Variants in PHC1 observed in about 807,000 individuals in gnomAD.
The protein encoded by PHC1 is polyhomeotic-like protein 1.
PHC1 carries 12 observed loss-of-function variants against 104.3 expected under a neutral mutation model. The ratio of observed to expected loss-of-function variants is 0.12; its 90% confidence interval spans 0.07 to 0.19. The LOEUF (loss-of-function observed/expected upper bound fraction) is 0.19. Ranked by LOEUF, PHC1 falls within the 10% of genes least tolerant of loss-of-function variation. The pLI is 1.00. For missense variants in PHC1, 671 were observed against 1,200.0 expected (o/e 0.56, Z 6.51); for synonymous variants, 302 against 455.8 (o/e 0.66, Z 4.30).
At chr12:8,915,652 A>T (rs757474351) in intron 1 of PHC1, 1 of 151,032 alleles carries the variant, frequency 6.6e-6, no homozygotes, top group African/African-American at 2.4e-5. Context: ...TAATTTGGAA[A>T]ATTTTGATAC....
rs1159390604 is a variant in PHC1, at chr12:8,919,840, C to T, written c.199C>T (p.Leu67=). ...MLQQQLSNAQ[L]HSLAAVQQAT... The stretch of plus-strand genomic sequence containing the variant: ...CCAGCAGCAGCTCAGTAATGCCCAG[C>T]TGCATAGCCTGGCTGCCGTCCAGCA... The change falls in exon 3 of 15, where the codon CTG becomes TTG. Residue 67 remains leucine (L), a synonymous_variant. Transcript: ENST00000544916. The surrounding 1 kb of genome is among the most constrained non-coding windows in gnomAD (Gnocchi z 4.9). The T allele has an allele frequency of 9.3e-6, 15 of 1,604,758 alleles. No homozygotes were observed. Among genetic ancestry groups the T allele is most frequent in the Non-Finnish European group, 1.3e-5 (15 of 1,175,078 alleles).
intron 7 of PHC1, among the ~76,000 whole-genome samples, chr12:8,931,426 T>C (rs929896976): frequency 6.6e-6 from 1 of 151,476 alleles, no homozygotes; most frequent in African/African-American, 2.4e-5. Context: ...AGAGGCGGGG[T>C]GCGGTGGCTC....
At chr12:8,923,883 A>T (rs1945440260) in intron 6 of PHC1, among the ~76,000 whole-genome samples, 1 of 152,066 alleles carries the variant, frequency 6.6e-6, no homozygotes, top group African/African-American at 2.4e-5. Flanking sequence ...AAAAATAACA[A>T]TACAAGAACA....
At chr12:8,939,251 C>T in intron 14 of PHC1, 54 bp from the exon 15 acceptor site, 2 of 1,603,978 alleles carry the variant, frequency 1.2e-6, no homozygotes, top group Non-Finnish European at 1.7e-6. Flanking sequence ...TTTCATTTAG[C>T]TTCCCTTCTC....
At chr12:8,931,961 T>A (rs997251369) in intron 7 of PHC1, among the ~76,000 whole-genome samples, 2 of 152,224 alleles carry the variant, frequency 1.3e-5, no homozygotes, top group African/African-American at 2.4e-5. Flanking sequence ...AGTTTGTCAC[T>A]CCCAGTTTAC....
chr12:8,927,866 TTTCTTTC>T (rs1399566362), intron 6 of PHC1, among the ~76,000 whole-genome samples: 6 of 87,052 alleles, frequency 6.9e-5, no homozygotes, highest in African/African-American at 3.5e-4. Flanking sequence ...TCTTTCTTTC[TTTCTTTC>T]TTTCTTTCTT....
In PHC1 at chr12:8,919,759, C is replaced by T. The variant is rs1565512139; in HGVS notation, c.118C>T (p.Leu40=). 6.2e-7 allele frequency: 1 copy of T among 1,612,098 alleles called. No homozygotes were observed. The highest frequency in any genetic ancestry group is 1.3e-5 in the African/African-American group (1 of 75,004). The change falls in exon 3 of 15, where the codon CTG becomes TTG. Residue 40 remains leucine (L), a synonymous_variant. Transcript: ENST00000544916. The surrounding 1 kb of genome is among the most constrained non-coding windows in gnomAD (Gnocchi z 4.9). ...SLYERQAVQA[L]QALQRQPNAA... ...GTTTTATCCTCTCTTTTCCTAGGCT[C>T]TGCAAGCACTGCAGCGGCAGCCCAA...
At chr12:8,918,311 A>G (rs1193551698) in intron 2 of PHC1, among the ~76,000 whole-genome samples, 2 of 152,244 alleles carry the variant, frequency 1.3e-5, no homozygotes, top group African/African-American at 4.8e-5. Flanking sequence ...TACTATTTTC[A>G]TTTCATAAAT....
intron 6 of PHC1, among the ~76,000 whole-genome samples, chr12:8,925,551 A>G (rs1477701531): frequency 6.6e-6 from 1 of 152,210 alleles, no homozygotes; most frequent in Non-Finnish European, 1.5e-5. Flanking sequence ...AGTTAGCCAG[A>G]TAAGAATGTG....
chr12:8,936,011 G>T (rs1040727932), intron 11 of PHC1, among the ~76,000 whole-genome samples: 1 of 152,146 alleles, frequency 6.6e-6, no homozygotes, highest in African/African-American at 2.4e-5. Flanking sequence ...TGATCCGCCC[G>T]CCTTGGCCTC....
At chr12:8,926,259 G>C (rs1187062436) in intron 6 of PHC1, among the ~76,000 whole-genome samples, 2 of 149,026 alleles carry the variant, frequency 1.3e-5, no homozygotes, top group African/African-American at 4.9e-5. Flanking sequence ...GAGAGTAGTA[G>C]GCATATAGAT....
intron 6 of PHC1, among the ~76,000 whole-genome samples, chr12:8,923,123 A>G (rs1323270123): frequency 2.6e-5 from 4 of 152,108 alleles, no homozygotes; most frequent in Non-Finnish European, 5.9e-5. Context: ...GTCAGAAGAG[A>G]AGAGATTGTT....
chr12:8,915,010 A>G (rs1267314495), intron 1 of PHC1, 183 bp downstream of exon 1: 6 of 152,928 alleles, frequency 3.9e-5, no homozygotes, highest in East Asian at 1.9e-4. Context: ...TCTTCTGGCT[A>G]TTCATTCTGC....
chr12:8,934,477 C>G lies in PHC1; in HGVS notation c.2252C>G (p.Pro751Arg). 6.2e-7 allele frequency: 1 copy of G among 1,611,890 alleles called. No homozygotes were observed. The highest frequency in any genetic ancestry group is 2.2e-5 in the East Asian group (1 of 44,868). Residue 751 changes from proline to arginine, a missense_variant and splice_region_variant, in exon 10 of 15, where the codon CCG becomes CGG. Transcript: ENST00000544916. Reference protein sequence around the residue: ...FVIQEGAEPFPVGCSQLLKES... With the variant: ...FVIQEGAEPFRVGCSQLLKES... ...ATCCAGGAAGGAGCAGAACCTTTCCCGGTGAGGGCAGGGCCATAAGGTGGG... is the reference window on the plus strand; with the variant it reads ...ATCCAGGAAGGAGCAGAACCTTTCCGGGTGAGGGCAGGGCCATAAGGTGGG...
At chr12:8,939,132 T>A (rs1343644720) in intron 14 of PHC1, among the ~76,000 whole-genome samples, 173 bp from the exon 15 acceptor site, 1 of 152,254 alleles carries the variant, frequency 6.6e-6, no homozygotes, top group Non-Finnish European at 1.5e-5. Flanking sequence ...GGCCATTTTT[T>A]AAATACCAGT....
At chr12:8,934,643 AC>A (rs1426314172) in intron 10 of PHC1, among the ~76,000 whole-genome samples, 165 bp downstream of exon 10, 1 of 152,142 alleles carries the variant, frequency 6.6e-6, no homozygotes, top group Non-Finnish European at 1.5e-5. Flanking sequence ...GAGTGTGTGG[AC>A]CATAAAATGA....
rs1945777008 is a variant in PHC1, at chr12:8,934,406, C to T, written c.2181C>T (p.Ala727=). 6.2e-7 allele frequency: 1 copy of T among 1,613,508 alleles called. No homozygotes were observed. Among genetic ancestry groups the T allele is most frequent in the South Asian group, 1.1e-5 (1 of 91,060 alleles). ...TGGGTGACTCAAAACCCCCACAGGC[C>T]ATCGTGAAGCCCCAGATTCTCACCC... ...RQMGDSKPPQ[A]IVKPQILTHI... Residue 727 remains alanine (A), a synonymous_variant, in exon 10 of 15, where the codon GCC becomes GCT. Coordinates refer to ENST00000544916, the MANE Select transcript of PHC1 (RefSeq NM_004426.3).
At position 8,919,892 on chromosome 12, in the gene PHC1, C is replaced by G. The variant is rs369374803; in HGVS notation, c.225+26C>G. The G allele has an allele frequency of 6.9e-6, 11 of 1,586,052 alleles. No individual in the cohort carries two copies. Among genetic ancestry groups the G allele is most frequent in the Non-Finnish European group, 9.4e-6 (11 of 1,164,078 alleles). On this transcript the variant is annotated intron_variant, in intron 3 of 14. Transcript: ENST00000544916. This position sits in a 1 kb window ranked among gnomAD's most constrained non-coding sequence, Gnocchi z 4.9. ...GTGAGAGGTCAGCAGCCAGCTGGCCCGAGAGGGAGGGGACAGGCACTACAG... is the reference window on the plus strand; with the variant it reads ...GTGAGAGGTCAGCAGCCAGCTGGCCGGAGAGGGAGGGGACAGGCACTACAG...
At chr12:8,938,221 C>T (rs2137140080) in intron 14 of PHC1, among the ~76,000 whole-genome samples, 161 bp downstream of exon 14, 1 of 152,268 alleles carries the variant, frequency 6.6e-6, no homozygotes, top group Middle Eastern at 3.4e-3. Flanking sequence ...TAATTTTTTT[C>T]TGGGTTGACA....
Sources: allele counts gnomAD v4.1 joint callset (sites outside exome capture counted in the v4.1 genomes callset), GRCh38; gene constraint gnomAD v4.1.1; non-coding constraint Gnocchi (gnomAD v3.1); transcripts MANE v1.5; gene names NCBI Gene and HGNC (gene_info 2026-07-23, HGNC 2026-07-21).